WDR37: variants seen among roughly 807,000 people sequenced by gnomAD.
WDR37 encodes the protein WD repeat-containing protein 37.
A neutral mutation model predicts 62.9 loss-of-function variants in WDR37; 19 were observed. The ratio of observed to expected loss-of-function variants is 0.30; its 90% CI spans 0.21 to 0.44. The LOEUF is 0.44. Among genes scored for constraint, WDR37 ranks in the 20% least tolerant of loss-of-function variants. The pLI, the probability that WDR37 is intolerant of heterozygous loss-of-function variation, is 1.00. For missense variants in WDR37, 474 were observed against 657.6 expected, an observed-to-expected ratio of 0.72 and a Z score of 3.05; for synonymous variants, 250 against 260.9, an observed-to-expected ratio of 0.96 and a Z score of 0.40.
intron 1 of WDR37, among the ~76,000 whole-genome samples, chr10:1,066,852 C>T (rs542016045): frequency 2.6e-5 from 4 of 152,272 alleles, no homozygotes; most frequent in East Asian, 1.9e-4. Flanking sequence ...CAAAGAGGAG[C>T]GAGTCACATT....
chr10:1,086,456 A>T, intron 7 of WDR37, 99 bp downstream of exon 7: 3 of 933,222 alleles, frequency 3.2e-6, no homozygotes, highest in Non-Finnish European at 5.0e-6. Flanking sequence ...CTGTGTAGGA[A>T]GCCTTACTGT....
At chr10:1,062,239 G>A (rs770715490) in intron 1 of WDR37, among the ~76,000 whole-genome samples, 1 of 152,178 alleles carries the variant, frequency 6.6e-6, no homozygotes, top group Non-Finnish European at 1.5e-5. Flanking sequence ...AAAGATTGCC[G>A]GCGGTATTGA....
At chr10:1,060,183 A>G (rs1468471426) in intron 1 of WDR37, among the ~76,000 whole-genome samples, 1 of 152,190 alleles carries the variant, frequency 6.6e-6, no homozygotes. Context: ...GCTTGCTAAC[A>G]CAGTGTGTTT....
At chr10:1,086,812 G>C (rs757466966) in intron 7 of WDR37, among the ~76,000 whole-genome samples, 6 of 102,910 alleles carry the variant, frequency 5.8e-5, no homozygotes, top group Non-Finnish European at 1.1e-4. Flanking sequence ...TGTCCATGTA[G>C]TTAGTTAACG....
chr10:1,071,877 C>T (rs1833742465), intron 1 of WDR37, among the ~76,000 whole-genome samples: 1 of 151,976 alleles, frequency 6.6e-6, no homozygotes, highest in Non-Finnish European at 1.5e-5. Context: ...AAATTTTAAA[C>T]CTCTTTTTTG....
At chr10:1,091,149 C>A (rs1834375189) in intron 7 of WDR37, among the ~76,000 whole-genome samples, 1 of 152,238 alleles carries the variant, frequency 6.6e-6, no homozygotes. Context: ...TCACCATGTG[C>A]CTGCCTGCCC....
Position 1,096,155 on chromosome 10 carries a change from G to C in WDR37, c.650-15G>C. On this transcript the variant is annotated splice_polypyrimidine_tract_variant and intron_variant, in intron 8 of 13. Transcript: ENST00000263150. ...GTCTGTGCCTTGGGTAATTTTCCCC[G>C]ATTTCTCTCTTCAGCTTCTGGAGAT... The C allele has an allele frequency of 6.2e-7, 1 of 1,613,910 alleles. No homozygotes were observed. The highest frequency in any genetic ancestry group is 8.5e-7 in the Non-Finnish European group (1 of 1,179,918).
At chr10:1,057,326 G>A (rs12244052) in intron 1 of WDR37, among the ~76,000 whole-genome samples, 3 of 30,072 alleles carry the variant, frequency 1.0e-4, no homozygotes, top group South Asian at 2.2e-3. Flanking sequence ...CGCTGGAGGG[G>A]TTGGGGGCAG....
chr10:1,103,821 G>C lies in WDR37; in HGVS notation c.946G>C (p.Val316Leu). ...NLYDVETSEL[V>L]HSLTGHDQEL... ...GTACGACGTGGAGACGTCCGAGCTCGTTCACTCTCTGACAGGTGCCTGGGT... is the reference window on the plus strand; with the variant it reads ...GTACGACGTGGAGACGTCCGAGCTCCTTCACTCTCTGACAGGTGCCTGGGT... Residue 316 changes from valine to leucine, a missense_variant, in exon 10 of 14, where the codon GTT (valine) becomes CTT (leucine). Coordinates refer to ENST00000263150, the MANE Select transcript of WDR37 (RefSeq NM_014023.4). This position sits in a 1 kb window ranked among gnomAD's most constrained non-coding sequence, Gnocchi z 6.3. 3 of 1,614,112 alleles carry C rather than the reference G, an allele frequency of 1.9e-6. No homozygotes were observed. Among genetic ancestry groups the C allele is most frequent in the Non-Finnish European group, 2.5e-6 (3 of 1,179,974 alleles).
chr10:1,065,385 G>A (rs1833503650), intron 1 of WDR37, among the ~76,000 whole-genome samples: 1 of 151,990 alleles, frequency 6.6e-6, no homozygotes, highest in Non-Finnish European at 1.5e-5. Flanking sequence ...CCACTAAAAA[G>A]TTATACAAAA....
chr10:1,129,159 T>A, intron 13 of WDR37, 54 bp from the exon 14 acceptor site: 1 of 1,600,914 alleles, frequency 6.2e-7, no homozygotes, highest in Non-Finnish European at 8.5e-7. Flanking sequence ...TGAGGTCTTA[T>A]AATCTTACTT....
intron 2 of WDR37, among the ~76,000 whole-genome samples, chr10:1,076,428 C>G (rs1051855583): frequency 1.3e-5 from 2 of 152,002 alleles, no homozygotes; most frequent in Non-Finnish European, 2.9e-5. Flanking sequence ...GCCTGTAATC[C>G]TAGAGCTTTG....
In WDR37 at chr10:1,131,112, C is replaced by T. The variant is rs1160035857; in HGVS notation, c.*1768C>T. On this transcript the variant is annotated 3_prime_UTR_variant, in exon 14 of 14. Coordinates refer to ENST00000263150, the MANE Select transcript of WDR37 (RefSeq NM_014023.4). ...TCTGGTTGATTAGAATCTCAGGTTT[C>T]AGCTCCTGCTGTCCTGAGCGAACTT... is the stretch of plus-strand genomic sequence containing the variant. The T allele has an allele frequency of 6.6e-6, 1 of 152,294 alleles. No homozygotes were observed. Among genetic ancestry groups the T allele is most frequent in the Non-Finnish European group, 1.5e-5 (1 of 68,084 alleles). The allele number at this position is 152,294 out of a possible 1,614,324, so 9.4% of individuals were successfully genotyped here.
chr10:1,127,429 T>G (rs1194351149), intron 13 of WDR37, among the ~76,000 whole-genome samples: 3 of 152,136 alleles, frequency 2.0e-5, no homozygotes, highest in Non-Finnish European at 4.4e-5. Flanking sequence ...ATAAATGTGG[T>G]TTTCAGTGTC....
At chr10:1,068,355 C>CCTGTAGTCCCAGCCAGTCGGGAGG (rs755345670) in intron 1 of WDR37, among the ~76,000 whole-genome samples, 1 of 115,412 alleles carries the variant, frequency 8.7e-6, no homozygotes, top group African/African-American at 3.5e-5. Flanking sequence ...GTGGCGGGCG[C>CCTGTAGTCCCAGCCAGTCGGGAGG]CTGAGGCAGG....
chr10:1,121,752 C>T lies in WDR37; in HGVS notation c.1104-2466C>T, dbSNP rs1835587922. ...CTGCACCACAGGGAAGGGCCCCGACCAGACATCAGGTCCTAGCGGGGGAAT... is the reference window on the plus strand; with the variant it reads ...CTGCACCACAGGGAAGGGCCCCGACTAGACATCAGGTCCTAGCGGGGGAAT... On this transcript the variant is annotated intron_variant, in intron 11 of 13. Transcript: ENST00000263150. This position sits in a 1 kb window ranked among gnomAD's most constrained non-coding sequence, Gnocchi z 4.5. 1.3e-5 allele frequency among the ~76,000 whole-genome samples: 2 copies of T among 152,224 alleles called. No homozygotes were observed. Among genetic ancestry groups the T allele is most frequent in the African/African-American group, 4.8e-5 (2 of 41,442 alleles).
chr10:1,072,281 G>A lies in WDR37; in HGVS notation c.126G>A (p.Met42Ile), dbSNP rs1359258033. ...AGAGGACGGGACTGCCAAGAGACAT[G>A]TTAGAAGGACAAGTAAGCTACGATT... ...EQERTGLPRD[M>I]LEGQDSKLPS... Residue 42 changes from methionine to isoleucine, a missense_variant, in exon 2 of 14, where the codon ATG becomes ATA. Physicochemically the swap from Met to Ile is conservative, Grantham distance 10. Coordinates refer to ENST00000263150, the MANE Select transcript of WDR37 (RefSeq NM_014023.4). 2.5e-6 allele frequency: 4 copies of A among 1,613,724 alleles called. No homozygotes were observed. The highest frequency in any genetic ancestry group is 3.4e-6 in the Non-Finnish European group (4 of 1,179,922).
chr10:1,074,183 A>G (rs1001421344), intron 2 of WDR37, among the ~76,000 whole-genome samples: 2 of 152,230 alleles, frequency 1.3e-5, no homozygotes, highest in African/African-American at 4.8e-5. Context: ...AAGCAGTCCA[A>G]GATAGGTTTT....
At chr10:1,092,436 C>A (rs1364491999) in intron 7 of WDR37, among the ~76,000 whole-genome samples, 2 of 151,270 alleles carry the variant, frequency 1.3e-5, no homozygotes, top group Non-Finnish European at 1.5e-5. Flanking sequence ...GCTCGCGGAT[C>A]TTGGCTCACT....
Sources: allele counts gnomAD v4.1 joint callset (sites outside exome capture counted in the v4.1 genomes callset), GRCh38; gene constraint gnomAD v4.1.1; non-coding constraint Gnocchi (gnomAD v3.1); transcripts MANE v1.5; gene names NCBI Gene and HGNC (gene_info 2026-07-23, HGNC 2026-07-21).